The following SNX25 variants were observed in gnomAD, a reference collection of about 807,000 sequenced individuals.
SNX25 encodes the protein sorting nexin 25, also known as sorting nexin-25.
A neutral mutation model predicts 113.7 loss-of-function variants in SNX25; 62 were observed. That is an observed-to-expected ratio of 0.55 (90% CI 0.44 to 0.67). The LOEUF (loss-of-function observed/expected upper bound fraction) is 0.67, where lower values mean the gene tolerates loss of function less well. Among genes scored for constraint, SNX25 ranks in the 30% least tolerant of loss-of-function variants. SNX25 has a pLI of 0.00. For missense variants in SNX25, 1,014 were observed against 1,161.0 expected (o/e 0.87, Z 1.84); for synonymous variants, 421 against 436.2 (o/e 0.97, Z 0.43).
At chr4:185,301,416 G>A (rs1024771119) in intron 6 of SNX25, among the ~76,000 whole-genome samples, 1 of 152,074 alleles carries the variant, frequency 6.6e-6, no homozygotes. Flanking sequence ...TTTGGAGACG[G>A]AGTCTCACTC....
chr4:185,215,223 C>T (rs941931331), intron 1 of SNX25, among the ~76,000 whole-genome samples: 77 of 151,502 alleles, frequency 5.1e-4, no homozygotes, highest in African/African-American at 1.7e-3. Flanking sequence ...AGCGAGACTC[C>T]GTCTCAAAAA....
At chr4:185,327,392 T>C (rs1277168057) in intron 9 of SNX25, among the ~76,000 whole-genome samples, 1 of 152,246 alleles carries the variant, frequency 6.6e-6, no homozygotes, top group Non-Finnish European at 1.5e-5. Flanking sequence ...ACAACATTTG[T>C]TGTATGAATT....
intron 10 of SNX25, among the ~76,000 whole-genome samples, chr4:185,338,276 G>GTTTTTTTTT: frequency 7.1e-6 from 1 of 140,374 alleles, no homozygotes. Flanking sequence ...TATATTCTGT[G>GTTTTTTTTT]TGTTTTTTTT....
intron 6 of SNX25, among the ~76,000 whole-genome samples, chr4:185,292,673 G>A (rs1579652035): frequency 6.6e-6 from 1 of 152,166 alleles, no homozygotes; most frequent in Non-Finnish European, 1.5e-5. Context: ...AAAGTGCTGG[G>A]ATTACAGGCA....
intron 5 of SNX25, among the ~76,000 whole-genome samples, chr4:185,270,608 G>T (rs1178567803): frequency 1.4e-5 from 2 of 139,378 alleles, no homozygotes; most frequent in Non-Finnish European, 3.2e-5. Context: ...GACTCTGATT[G>T]TCACTACTAT....
chr4:185,247,271 G>A, intron 1 of SNX25, 23 bp from the exon 2 acceptor site: 1 of 1,496,642 alleles, frequency 6.7e-7, no homozygotes. Context: ...AATCTGCTTT[G>A]TATTTTTTTC....
chr4:185,323,735 G>T lies in SNX25; in HGVS notation c.1684G>T (p.Glu562Ter). Residue 562 changes from glutamate (E) to a stop codon, truncating the protein, a stop_gained, in exon 9 of 19, where the codon GAG becomes TAG. Transcript: ENST00000652585. LOFTEE classifies it high-confidence loss of function. ...YPSFIVSDLY[E>*]KLLIKEEEKH... ...TTCATTTATTGTCAGTGACCTGTATGAGAAATTGTTGATAAAAGAGGAAGA... is the reference window on the plus strand; with the variant it reads ...TTCATTTATTGTCAGTGACCTGTATTAGAAATTGTTGATAAAAGAGGAAGA... 6 of 1,613,684 alleles carry T rather than the reference G, an allele frequency of 3.7e-6. No homozygotes were observed. Among genetic ancestry groups the T allele is most frequent in the Non-Finnish European group, 5.1e-6 (6 of 1,179,824 alleles).
chr4:185,312,653 G>T (rs926086012), intron 7 of SNX25, among the ~76,000 whole-genome samples: 1 of 150,866 alleles, frequency 6.6e-6, no homozygotes, highest in Admixed American at 6.6e-5. Flanking sequence ...CTCCCGAGCA[G>T]CTGGGACTAC....
intron 1 of SNX25, among the ~76,000 whole-genome samples, chr4:185,223,451 C>T (rs1241806102): frequency 6.6e-6 from 1 of 152,094 alleles, no homozygotes; most frequent in Non-Finnish European, 1.5e-5. Flanking sequence ...GGTCCAGAGG[C>T]CTGCTCAAAC....
At chr4:185,370,716 A>C, downstream of SNX25, 1 of 1,614,048 alleles carries the variant, frequency 6.2e-7, no homozygotes, top group Non-Finnish European at 8.5e-7. Context: ...TGCGTGGTAG[A>C]AGGATGCCAT....
At chr4:185,306,965 G>A (rs952631908) in intron 6 of SNX25, among the ~76,000 whole-genome samples, 4 of 152,148 alleles carry the variant, frequency 2.6e-5, no homozygotes, top group African/African-American at 9.7e-5. Flanking sequence ...TATAACACAA[G>A]TTCAGAAACC....
intron 16 of SNX25, among the ~76,000 whole-genome samples, chr4:185,360,354 C>T (rs112381951): frequency 3.9e-5 from 6 of 152,238 alleles, no homozygotes; most frequent in African/African-American, 9.6e-5. Context: ...TAGCAGTGAC[C>T]GACTACTATG....
chr4:185,368,790 G>GTT (rs1199659402), downstream of SNX25, among the ~76,000 whole-genome samples: 3 of 137,280 alleles, frequency 2.2e-5, no homozygotes, highest in South Asian at 2.3e-4. Flanking sequence ...ATTGGAATCT[G>GTT]TTTTGTTTTT....
intron 6 of SNX25, among the ~76,000 whole-genome samples, chr4:185,304,247 T>C (rs1754131250): frequency 6.6e-6 from 1 of 152,230 alleles, no homozygotes; most frequent in Non-Finnish European, 1.5e-5. Context: ...CTGGCTTTAG[T>C]GATCACGGCT....
chr4:185,343,602 A>G (rs2095270846), intron 12 of SNX25, among the ~76,000 whole-genome samples: 1 of 152,216 alleles, frequency 6.6e-6, no homozygotes, highest in Non-Finnish European at 1.5e-5. Context: ...AAGATTATTA[A>G]TGGAATCTTA....
At chr4:185,346,676 T>A in intron 13 of SNX25, 26 bp downstream of exon 13, 1 of 1,450,176 alleles carries the variant, frequency 6.9e-7, no homozygotes, top group Admixed American at 2.3e-5. Flanking sequence ...ATGTGGGATA[T>A]GAGAGAAAAA....
intron 6 of SNX25, among the ~76,000 whole-genome samples, chr4:185,306,607 ATT>A (rs1754510989): frequency 6.6e-6 from 1 of 152,086 alleles, no homozygotes; most frequent in Admixed American, 6.5e-5. Flanking sequence ...CTCTCTCTTT[ATT>A]AACATGTTTT....
intron 1 of SNX25, among the ~76,000 whole-genome samples, chr4:185,216,362 G>A (rs745488659): frequency 3.3e-5 from 5 of 152,076 alleles, no homozygotes; most frequent in Non-Finnish European, 4.4e-5. Context: ...ATAATCTGTC[G>A]TGATGGAACT....
chr4:185,273,750 T>A (rs1749268168), intron 5 of SNX25, among the ~76,000 whole-genome samples: 1 of 152,184 alleles, frequency 6.6e-6, no homozygotes, highest in South Asian at 2.1e-4. Context: ...ATTCCACATG[T>A]ACGTGAGATG....
Sources: gnomAD v4.1 joint callset for allele counts (sites outside exome capture counted in the v4.1 genomes callset) on GRCh38, gnomAD v4.1.1 for gene constraint, MANE v1.5 for transcripts, NCBI Gene and HGNC (gene_info 2026-07-23, HGNC 2026-07-21) for gene names.